SPOCK1: variants seen among roughly 807,000 people sequenced by gnomAD.
SPOCK1 encodes the protein testican-1.
SPOCK1 carries 23 observed loss-of-function variants against 55.3 expected under a neutral mutation model. The observed-to-expected ratio is 0.42, with a 90% confidence interval of 0.30 to 0.59. The LOEUF is 0.59. SPOCK1 is among the 20% of genes least tolerant of loss of function. SPOCK1 has a pLI of 0.22. For missense variants in SPOCK1, 499 were observed against 552.5 expected (o/e 0.90, Z 0.97); for synonymous variants, 226 against 221.0 (o/e 1.02, Z -0.20).
chr5:137,346,008 A>T (rs998182089), intron 2 of SPOCK1, among the ~76,000 whole-genome samples: 1 of 152,190 alleles, frequency 6.6e-6, no homozygotes, highest in East Asian at 1.9e-4. Context: ...GATTCGGAAA[A>T]GCGAAGCAGC....
intron 2 of SPOCK1, among the ~76,000 whole-genome samples, chr5:137,285,762 T>C (rs1448656808): frequency 6.6e-6 from 1 of 152,130 alleles, no homozygotes; most frequent in Admixed American, 6.5e-5. Context: ...TTTGCACCAA[T>C]TGTTCAGGCA....
At chr5:137,207,142 G>A (rs182462499) in intron 3 of SPOCK1, among the ~76,000 whole-genome samples, 19 of 152,292 alleles carry the variant, frequency 1.2e-4, no homozygotes, top group African/African-American at 4.1e-4. Flanking sequence ...TCTTGCCCAG[G>A]TCCTCTGGTA....
intron 2 of SPOCK1, among the ~76,000 whole-genome samples, chr5:137,287,744 C>A (rs1191483865): frequency 2.6e-5 from 4 of 152,166 alleles, no homozygotes; most frequent in Non-Finnish European, 5.9e-5. Context: ...GTAGTTGTGT[C>A]TATGGACAGC....
intron 6 of SPOCK1, among the ~76,000 whole-genome samples, chr5:137,037,247 G>A (rs1484807534): frequency 6.6e-6 from 1 of 151,484 alleles, no homozygotes; most frequent in African/African-American, 2.4e-5. Flanking sequence ...CTTACTAGAT[G>A]CTAGACAGAG....
intron 6 of SPOCK1, among the ~76,000 whole-genome samples, chr5:137,060,064 G>A (rs935460107): frequency 2.6e-5 from 4 of 152,114 alleles, no homozygotes; most frequent in African/African-American, 9.7e-5. Context: ...ATTTAAAAGA[G>A]AACTACCATT....
chr5:137,345,928 T>C (rs1176672845), intron 2 of SPOCK1, among the ~76,000 whole-genome samples: 1 of 152,184 alleles, frequency 6.6e-6, no homozygotes, highest in Non-Finnish European at 1.5e-5. Flanking sequence ...AGAGCACTGA[T>C]CTCTGCCTCA....
At chr5:137,185,453 C>T (rs1171290934) in intron 3 of SPOCK1, among the ~76,000 whole-genome samples, 3 of 152,196 alleles carry the variant, frequency 2.0e-5, no homozygotes, top group Non-Finnish European at 1.5e-5. Flanking sequence ...TTGGTTCTAG[C>T]ACCAAAGGAG....
At chr5:137,077,999 AAAG>A (rs779300723) in intron 5 of SPOCK1, among the ~76,000 whole-genome samples, 1 of 152,202 alleles carries the variant, frequency 6.6e-6, no homozygotes, top group Non-Finnish European at 1.5e-5. Context: ...AATAAGAATG[AAAG>A]AAGGAGAGAG....
chr5:137,027,936 G>C (rs771150134), intron 6 of SPOCK1, among the ~76,000 whole-genome samples: 2 of 152,232 alleles, frequency 1.3e-5, no homozygotes, highest in Non-Finnish European at 2.9e-5. Context: ...GGGAGAGTGA[G>C]TGTCTATGAG....
intron 2 of SPOCK1, among the ~76,000 whole-genome samples, chr5:137,321,409 A>G (rs747854793): frequency 1.2e-4 from 19 of 152,194 alleles, no homozygotes; most frequent in Non-Finnish European, 8.8e-5. Context: ...AAAAGTCCAC[A>G]CTGAGATACA....
intron 2 of SPOCK1, among the ~76,000 whole-genome samples, chr5:137,493,971 A>G (rs1249194508): frequency 6.9e-6 from 1 of 145,142 alleles, no homozygotes; most frequent in Admixed American, 6.9e-5. Flanking sequence ...AGCATGTGCC[A>G]GAAGGAAAAA....
At chr5:137,070,874 T>C (rs1202615515) in intron 5 of SPOCK1, among the ~76,000 whole-genome samples, 1 of 152,162 alleles carries the variant, frequency 6.6e-6, no homozygotes, top group African/African-American at 2.4e-5. Context: ...GTCTCCTCCC[T>C]AGCTACAGAA....
At chr5:137,373,261 T>C (rs1043691259) in intron 2 of SPOCK1, among the ~76,000 whole-genome samples, 1 of 152,176 alleles carries the variant, frequency 6.6e-6, no homozygotes, top group African/African-American at 2.4e-5. Flanking sequence ...TGAGTAAAAG[T>C]GCATTTAAAA....
In SPOCK1 at chr5:137,471,897, T is replaced by A. The variant is rs989655209; in HGVS notation, c.186+26476A>T. 5.9e-4 allele frequency among the ~76,000 whole-genome samples: 90 copies of A among 152,102 alleles called. 1 individual carries two copies. The highest frequency in any genetic ancestry group is 2.1e-3 in the African/African-American group (88 of 41,422). On this transcript the variant is annotated intron_variant, in intron 2 of 10. Coordinates refer to ENST00000394945, the MANE Select transcript of SPOCK1 (RefSeq NM_004598.4). ...TGCAATCAGCAAAGAGGTAATCACA[T>A]GCCCATGGGACCTGAGGGCATGGGA...
intron 2 of SPOCK1, among the ~76,000 whole-genome samples, chr5:137,323,931 T>C (rs1358571082): frequency 2.0e-5 from 3 of 151,910 alleles, no homozygotes; most frequent in Non-Finnish European, 4.4e-5. Flanking sequence ...CTCAAAAAAT[T>C]AAAAAGAGAA....
chr5:137,243,181 T>G (rs1440439973), intron 3 of SPOCK1, among the ~76,000 whole-genome samples: 1 of 152,220 alleles, frequency 6.6e-6, no homozygotes, highest in Non-Finnish European at 1.5e-5. Context: ...AGCCGCTGAT[T>G]TTTCCTTGGC....
intron 2 of SPOCK1, among the ~76,000 whole-genome samples, chr5:137,292,017 C>T (rs1052247030): frequency 1.3e-5 from 2 of 152,188 alleles, no homozygotes; most frequent in African/African-American, 4.8e-5. Context: ...ATAAAAGCAT[C>T]TCTGAGAATA....
chr5:136,988,706 C>G, intron 7 of SPOCK1, 63 bp from the exon 8 acceptor site: 1 of 1,483,862 alleles, frequency 6.7e-7, no homozygotes, highest in Non-Finnish European at 9.1e-7. Context: ...CTGCTCACTC[C>G]CCAGCTTTCT....
At chr5:137,176,491 C>T (rs1285566824) in intron 3 of SPOCK1, among the ~76,000 whole-genome samples, 4 of 115,098 alleles carry the variant, frequency 3.5e-5, no homozygotes, top group South Asian at 6.4e-4. Context: ...ACAAAAATCT[C>T]CCCCACCACA....
Sources: gnomAD v4.1 joint callset for allele counts (sites outside exome capture counted in the v4.1 genomes callset) on GRCh38, gnomAD v4.1.1 for gene constraint, MANE v1.5 for transcripts, NCBI Gene and HGNC (gene_info 2026-07-23, HGNC 2026-07-21) for gene names.